Variants in SFI1 observed in about 807,000 individuals in gnomAD.
The protein encoded by SFI1 is SFI1 centrin binding protein.
In SFI1, 195 loss-of-function variants were observed where a neutral mutation model predicts 207.5. That is an observed-to-expected ratio of 0.94 (90% confidence interval 0.84 to 1.06). The LOEUF (loss-of-function observed/expected upper bound fraction) is 1.06. Among genes scored for constraint, SFI1 ranks in the 50% least tolerant of loss-of-function variants. SFI1 has a pLI of 0.00. For missense variants in SFI1, 1,634 were observed against 1,588.0 expected (o/e 1.03, Z -0.49); for synonymous variants, 630 against 598.9 (o/e 1.05, Z -0.76).
At chr22:31,606,480 TC>T in intron 21 of SFI1, 50 bp downstream of exon 21, 3 of 1,497,510 alleles carry the variant, frequency 2.0e-6, no homozygotes, top group Non-Finnish European at 2.8e-6. Flanking sequence ...GGGACTGTGT[TC>T]TGGTGAGGGC....
At chr22:31,568,210 G>GTGTA (rs1569334127) in intron 8 of SFI1, among the ~76,000 whole-genome samples, 5 of 114,594 alleles carry the variant, frequency 4.4e-5, no homozygotes, top group South Asian at 3.4e-4. Context: ...GTGTGTGTGT[G>GTGTA]TATATATATA....
chr22:31,545,981 C>T (rs1267465422), intron 4 of SFI1, among the ~76,000 whole-genome samples: 1 of 151,000 alleles, frequency 6.6e-6, no homozygotes, highest in Non-Finnish European at 1.5e-5. Flanking sequence ...GAACCTCTCC[C>T]TCCTGGGCTC....
At position 31,560,020 on chromosome 22, in the gene SFI1, G is replaced by T. The variant is rs905653328; in HGVS notation, c.663-1270G>T. The T allele has an allele frequency of 2.2e-5, 7 of 314,192 alleles. No homozygotes were observed. The Admixed American group carries it at 3.0e-4, about 14-fold the overall frequency. 19.5% of individuals were successfully genotyped at this position (314,192 alleles called of 1,614,324 possible). On this transcript the variant is annotated intron_variant, in intron 7 of 32. Transcript: ENST00000400288. ...AGTAATAAATAAGTAAAATGTTATTGGTACTGTATTGATGCTGGGGCTGTA... is the reference window on the plus strand; with the variant it reads ...AGTAATAAATAAGTAAAATGTTATTTGTACTGTATTGATGCTGGGGCTGTA...
intron 2 of SFI1, among the ~76,000 whole-genome samples, chr22:31,517,411 C>T (rs1338139360): frequency 6.6e-6 from 1 of 152,090 alleles, no homozygotes; most frequent in Non-Finnish European, 1.5e-5. Context: ...CCACACCCAG[C>T]GAATTTTTGT....
chr22:31,525,331 G>A (rs2057778815), intron 2 of SFI1, among the ~76,000 whole-genome samples: 1 of 152,116 alleles, frequency 6.6e-6, no homozygotes, highest in Non-Finnish European at 1.5e-5. Context: ...AGGGTGAGAG[G>A]TGGGGAGTCT....
At chr22:31,498,791 C>T (rs1333485519) in intron 1 of SFI1, among the ~76,000 whole-genome samples, 3 of 151,768 alleles carry the variant, frequency 2.0e-5, no homozygotes, top group African/African-American at 7.3e-5. Flanking sequence ...GAAGGGGAGC[C>T]TAAAAATGTG....
intron 23 of SFI1, 128 bp downstream of exon 23, chr22:31,611,431 G>T (rs1355425697): frequency 1.6e-6 from 2 of 1,234,512 alleles, no homozygotes; most frequent in Non-Finnish European, 2.2e-6. Context: ...GTGGTGGGTG[G>T]TTTGGGGTCC....
chr22:31,595,003 TTA>T (rs1308266060), intron 15 of SFI1, among the ~76,000 whole-genome samples: 2 of 151,964 alleles, frequency 1.3e-5, no homozygotes, highest in African/African-American at 2.4e-5. Flanking sequence ...ATTTATTTAT[TTA>T]TTTATTTTTG....
At chr22:31,499,474 A>G (rs1007150139) in intron 1 of SFI1, among the ~76,000 whole-genome samples, 1 of 149,958 alleles carries the variant, frequency 6.7e-6, no homozygotes, top group Non-Finnish European at 1.5e-5. Flanking sequence ...GCCTGGTGAA[A>G]GTGGTTTCTT....
At chr22:31,588,002 A>G (rs2065266993) in intron 14 of SFI1, 1 of 152,182 alleles carries the variant, frequency 6.6e-6, no homozygotes, top group South Asian at 2.1e-4. Flanking sequence ...CCAATTATCT[A>G]TTGCTATGTA....
rs769185516 is a variant in SFI1 at position 31,615,097 on chromosome 22, C to A, written c.3118C>A (p.Pro1040Thr). ...CCTAGGCATGGCTCAGCCAGCAGCC[C>A]CCTCCCTGACGCGGCCCTTCCTGGC... ...HGLGMAQPAA[P>T]SLTRPFLAEA... is the part of the protein sequence containing the mutation. Residue 1040 changes from proline to threonine, a missense_variant, in exon 29 of 33, where the codon CCC (proline) becomes ACC (threonine). Physicochemically the swap from Pro to Thr is conservative, Grantham distance 38. Coordinates refer to ENST00000400288, the MANE Select transcript of SFI1 (RefSeq NM_001007467.3). 1.9e-6 allele frequency: 3 copies of A among 1,606,386 alleles called. No homozygotes were observed. The Admixed American group carries it at 5.1e-5, about 27-fold the overall frequency.
intron 5 of SFI1, among the ~76,000 whole-genome samples, chr22:31,548,852 T>A (rs980767483): frequency 2.0e-5 from 3 of 151,650 alleles, no homozygotes; most frequent in Admixed American, 2.0e-4. Flanking sequence ...AATAAAATAT[T>A]TAAAACTAGG....
At chr22:31,602,397 G>C (rs2068262352) in intron 16 of SFI1, 104 bp downstream of exon 16, 4 of 1,256,784 alleles carry the variant, frequency 3.2e-6, no homozygotes, top group Admixed American at 1.8e-5. Flanking sequence ...CCTCACTGGA[G>C]GGCCCCTGCC....
chr22:31,575,088 GTGT>G, intron 9 of SFI1, 140 bp from the exon 10 acceptor site: 4 of 8,910 alleles, frequency 4.5e-4, no homozygotes, highest in East Asian at 0.014. Flanking sequence ...CTTAGTGCGT[GTGT>G]GTGTGTGTGT....
intron 3 of SFI1, among the ~76,000 whole-genome samples, chr22:31,530,183 A>C (rs1254162949): frequency 5.2e-3 from 614 of 118,772 alleles, no homozygotes; most frequent in African/African-American, 0.021. Context: ...AAAAAAAAAA[A>C]AAAAAAAAAA....
chr22:31,526,751 C>T lies in SFI1; in HGVS notation c.93-1939C>T, dbSNP rs531098645. The stretch of plus-strand genomic sequence containing the variant: ...TTGTATTTTGTATTTTTAGTAGAGA[C>T]GGGGTTTCACCATGTTGTCCAAGCT... On this transcript the variant is annotated intron_variant, in intron 2 of 32. Transcript: ENST00000400288. Among the ~76,000 whole-genome samples, 13 of 152,064 alleles carry T rather than the reference C, an allele frequency of 8.5e-5. No individual in the cohort carries two copies. In the South Asian group the frequency reaches 1.2e-3, roughly 15 times the overall value.
At chr22:31,531,028 A>T (rs1207912115) in intron 3 of SFI1, 30 bp from the exon 4 acceptor site, 8 of 1,588,114 alleles carry the variant, frequency 5.0e-6, no homozygotes, top group Non-Finnish European at 6.9e-6. Context: ...GAATTTTAAA[A>T]TATGTATATG....
At chr22:31,525,487 G>A (rs2057795471) in intron 2 of SFI1, among the ~76,000 whole-genome samples, 1 of 152,018 alleles carries the variant, frequency 6.6e-6, no homozygotes, top group South Asian at 2.1e-4. Flanking sequence ...CAGCACTTTG[G>A]GACACCAGGA....
chr22:31,602,678 T>A lies in SFI1; in HGVS notation c.1698T>A (p.Arg566=). ...TGTGGCACCAGCAGGCAGCAGCACG[T>A]CACCAGGAGCAGGAGTGGCAAACAG... ...WFMWHQQAAA[R]HQEQEWQTVA... is the part of the protein sequence containing the mutation. The change falls in exon 17 of 33, where the codon CGT becomes CGA. Residue 566 remains arginine, a synonymous_variant. Coordinates refer to ENST00000400288, the MANE Select transcript of SFI1 (RefSeq NM_001007467.3). 6.2e-7 allele frequency: 1 copy of A among 1,614,184 alleles called. No individual in the cohort carries two copies. The highest frequency in any genetic ancestry group is 8.5e-7 in the Non-Finnish European group (1 of 1,180,032).
Sources: gnomAD v4.1 joint callset for allele counts (sites outside exome capture counted in the v4.1 genomes callset) on GRCh38, gnomAD v4.1.1 for gene constraint, MANE v1.5 for transcripts, NCBI Gene and HGNC (gene_info 2026-07-23, HGNC 2026-07-21) for gene names.